Variants in SAFB2 observed in about 807,000 individuals in gnomAD.
The protein encoded by SAFB2 is scaffold attachment factor B2.
In SAFB2, 32 loss-of-function variants were observed where a neutral mutation model predicts 100.6. The observed-to-expected ratio is 0.32, with a 90% CI of 0.24 to 0.43. The LOEUF is 0.43. Among genes scored for constraint, SAFB2 ranks in the 20% least tolerant of loss-of-function variants. The pLI is 1.00. For missense variants in SAFB2, 1,185 were observed against 1,163.4 expected, an observed-to-expected ratio of 1.02 and a Z score of -0.27; for synonymous variants, 500 against 439.4, an observed-to-expected ratio of 1.14 and a Z score of -1.72.
At chr19:5,598,007 G>T (rs1163315495) in intron 13 of SAFB2, among the ~76,000 whole-genome samples, 1 of 151,646 alleles carries the variant, frequency 6.6e-6, no homozygotes, top group Non-Finnish European at 1.5e-5. Flanking sequence ...ATGTGTGCCT[G>T]TTGCCTGTAA....
At chr19:5,605,083 T>C in intron 9 of SAFB2, 147 bp from the exon 10 acceptor site, 1 of 939,346 alleles carries the variant, frequency 1.1e-6, no homozygotes, top group East Asian at 2.5e-5. Context: ...TTGGTTCTAA[T>C]TAATCCTGAC....
intron 18 of SAFB2, among the ~76,000 whole-genome samples, chr19:5,589,526 G>A (rs1372924328): frequency 6.6e-6 from 1 of 152,050 alleles, no homozygotes; most frequent in Non-Finnish European, 1.5e-5. Flanking sequence ...GACAAGACAG[G>A]ACACTCGGCT....
intron 14 of SAFB2, among the ~76,000 whole-genome samples, 176 bp downstream of exon 14, chr19:5,595,185 G>A (rs1015330852): frequency 6.6e-6 from 1 of 152,070 alleles, no homozygotes; most frequent in Non-Finnish European, 1.5e-5. Flanking sequence ...ATGTCTGGCG[G>A]CTCACGTGTG....
At position 5,622,659 on chromosome 19, in the gene SAFB2, G is replaced by T; in HGVS notation, c.57C>A (p.Gly19=). The T allele has an allele frequency of 6.2e-7, 1 of 1,608,076 alleles. No homozygotes were observed. ...GDSGPGTASL[G]PGVAETGTRR... is the part of the protein sequence containing the mutation. ...TCGTCCCAGTCTCCGCAACGCCCGG[G>T]CCGAGAGAAGCCGTGCCAGGGCCCG... Residue 19 remains glycine (G), a synonymous_variant, in exon 1 of 21, where the codon GGC becomes GGA. Transcript: ENST00000252542.
Position 5,602,479 on chromosome 19 carries a change from CAAAAAAAAAA to C in SAFB2, c.1559+2094_1559+2103del, listed in dbSNP as rs35472223. On this transcript the variant is annotated intron_variant, in intron 11 of 20. Coordinates refer to ENST00000252542, the MANE Select transcript of SAFB2 (RefSeq NM_014649.3). Reference sequence around the variant, plus strand: ...TGGGTGACAGAGCGAGACTCTGTCTCAAAAAAAAAAAAAAAAAAAAAAAAAAATCTTAAGT... The same window carrying C: ...TGGGTGACAGAGCGAGACTCTGTCTCAAAAAAAAAAAAAAAAATCTTAAGT... Among the ~76,000 whole-genome samples, 13 of 39,524 alleles carry C rather than the reference CAAAAAAAAAA, an allele frequency of 3.3e-4. 1 individual carries two copies. Among genetic ancestry groups the C allele is most frequent in the South Asian group, 3.0e-3 (2 of 660 alleles). The allele number at this position is 39,524 out of a possible 152,430, so 25.9% of individuals were successfully genotyped here. A position where few individuals can be genotyped will look rare whatever the true frequency, so the allele number is the denominator to read the frequency against.
intron 4 of SAFB2, among the ~76,000 whole-genome samples, chr19:5,614,300 T>C (rs1475320685): frequency 1.3e-5 from 2 of 152,160 alleles, no homozygotes; most frequent in African/African-American, 2.4e-5. Context: ...GGTCAATTTC[T>C]CTCTTTACTA....
chr19:5,588,063 G>T, intron 18 of SAFB2, 83 bp from the exon 19 acceptor site: 1 of 1,218,018 alleles, frequency 8.2e-7, no homozygotes, highest in Non-Finnish European at 1.1e-6. Flanking sequence ...CCTGACCTCA[G>T]CTGCATGGTG....
intron 2 of SAFB2, among the ~76,000 whole-genome samples, chr19:5,620,379 A>G (rs1350059624): frequency 6.6e-6 from 1 of 152,260 alleles, no homozygotes. Context: ...CCCCCTGCAC[A>G]GGAAACCTAA....
chr19:5,612,552 G>T lies in SAFB2; in HGVS notation c.622C>A (p.Leu208Ile). Reference sequence around the variant, plus strand: ...CTCTTATCAGTACCTGGCTCCAAAAGGGATTCTTCAATGTCCTATTTAAAA... The same window carrying T: ...CTCTTATCAGTACCTGGCTCCAAAATGGATTCTTCAATGTCCTATTTAAAA... ...FKVTPDIEES[L>I]LEPENEKILD... The change falls in exon 6 of 21, where the codon CTT becomes ATT. Residue 208 changes from leucine (L) to isoleucine (I), a missense_variant. Leu to Ile is a conservative substitution (Grantham distance 5, BLOSUM62 2). Around this residue, in one of 3 missense-constraint regions of SAFB2, gnomAD observed 351 missense variants for 341.2 expected, o/e 1.03. Transcript: ENST00000252542. The T allele has an allele frequency of 6.2e-7, 1 of 1,613,516 alleles. No individual in the cohort carries two copies. Among genetic ancestry groups the T allele is most frequent in the Non-Finnish European group, 8.5e-7 (1 of 1,179,640 alleles).
At chr19:5,596,168 C>T (rs1460809656) in intron 13 of SAFB2, among the ~76,000 whole-genome samples, 1 of 152,176 alleles carries the variant, frequency 6.6e-6, no homozygotes, top group African/African-American at 2.4e-5. Flanking sequence ...GAGGCTGAAG[C>T]AGAAGAATCG....
rs2145329078 is a variant in SAFB2, at chr19:5,598,895, A to G, written c.1691-11T>C. ...CCATTCCTCTGCTTCCTTCAGGAAA[A>G]AACACAACAAACTATCAAAACCTGT... On this transcript the variant is annotated splice_polypyrimidine_tract_variant and intron_variant, in intron 12 of 20. Coordinates refer to ENST00000252542, the MANE Select transcript of SAFB2 (RefSeq NM_014649.3). 2 of 1,613,436 alleles carry G rather than the reference A, an allele frequency of 1.2e-6. No individual in the cohort carries two copies. Among genetic ancestry groups the G allele is most frequent in the East Asian group, 4.5e-5 (2 of 44,852 alleles).
At chr19:5,620,420 A>G (rs1484442296) in intron 2 of SAFB2, among the ~76,000 whole-genome samples, 1 of 152,238 alleles carries the variant, frequency 6.6e-6, no homozygotes, top group Non-Finnish European at 1.5e-5. Context: ...ATAAAACCTA[A>G]CAATACCAAC....
chr19:5,610,931 G>C, intron 7 of SAFB2, 189 bp downstream of exon 7: 1 of 666,696 alleles, frequency 1.5e-6, no homozygotes, highest in Non-Finnish European at 2.5e-6. Context: ...ACCATGGTAG[G>C]TTGAGAAAAA....
chr19:5,609,713 T>C (rs1306411544), intron 9 of SAFB2, among the ~76,000 whole-genome samples: 1 of 152,238 alleles, frequency 6.6e-6, no homozygotes, highest in Non-Finnish European at 1.5e-5. Context: ...ACTGTTGTGA[T>C]ATGACCAACC....
At chr19:5,618,235 G>A (rs1568232508) in intron 2 of SAFB2, among the ~76,000 whole-genome samples, 1 of 151,156 alleles carries the variant, frequency 6.6e-6, no homozygotes, top group Non-Finnish European at 1.5e-5. Flanking sequence ...GGTGGCGGGC[G>A]CCTGTAGTCT....
intron 14 of SAFB2, 90 bp from the exon 15 acceptor site, chr19:5,594,268 A>G: frequency 7.1e-7 from 1 of 1,407,766 alleles, no homozygotes; most frequent in Non-Finnish European, 9.3e-7. Context: ...TATTGGAAGC[A>G]GAAAAAAAAA....
chr19:5,606,776 T>G (rs905396069), intron 9 of SAFB2, among the ~76,000 whole-genome samples: 3 of 152,198 alleles, frequency 2.0e-5, no homozygotes, highest in South Asian at 4.1e-4. Flanking sequence ...GAAGACAAAG[T>G]AAAGACTTTT....
Position 5,587,816 on chromosome 19 carries a change from T to G in SAFB2, c.2639-49A>C. 1 of 1,568,698 alleles carries G rather than the reference T, an allele frequency of 6.4e-7. No homozygotes were observed. Among genetic ancestry groups the G allele is most frequent in the Non-Finnish European group, 8.7e-7 (1 of 1,155,486 alleles). ...AACACTCCGTTCCTGGGGAAGCCCC[T>G]GGACACATGTGGGGGCCACAGCCAC... On this transcript the variant is annotated intron_variant, in intron 19 of 20. Coordinates refer to ENST00000252542, the MANE Select transcript of SAFB2 (RefSeq NM_014649.3). The surrounding 1 kb of genome is among the most constrained non-coding windows in gnomAD (Gnocchi z 4.9).
In SAFB2 at chr19:5,587,042, AACAGAAACCTTG is replaced by A. The variant is rs1175224148; in HGVS notation, c.*189_*200del. On this transcript the variant is annotated 3_prime_UTR_variant, in exon 21 of 21. Transcript: ENST00000252542. The surrounding 1 kb of genome is among the most constrained non-coding windows in gnomAD (Gnocchi z 4.9). ...TTAATGGAAAATGGAATGCCTCGTT[AACAGAAACCTTG>A]ATTTAAAAATGGCAGAACAAGAACA... 1.4e-6 allele frequency: 1 copy of A among 718,034 alleles called. No individual in the cohort carries two copies. Among genetic ancestry groups the A allele is most frequent in the Non-Finnish European group, 2.2e-6 (1 of 445,606 alleles). 44.5% of individuals were successfully genotyped at this position (718,034 alleles called of 1,614,324 possible). A position where few individuals can be genotyped will look rare whatever the true frequency, so the allele number is the denominator to read the frequency against.
Sources: allele counts gnomAD v4.1 joint callset (sites outside exome capture counted in the v4.1 genomes callset), GRCh38; gene constraint gnomAD v4.1.1; regional missense constraint gnomAD v4.1.1; non-coding constraint Gnocchi (gnomAD v3.1); transcripts MANE v1.5; gene names NCBI Gene and HGNC (gene_info 2026-07-23, HGNC 2026-07-21).